The following KCNH1 variants were observed in gnomAD, a reference collection of about 807,000 sequenced individuals.
KCNH1 encodes potassium voltage-gated channel subfamily H member 1.
A neutral mutation model predicts 69.2 loss-of-function variants in KCNH1; 27 were observed. That is an observed-to-expected ratio of 0.39 (90% CI 0.29 to 0.54). The LOEUF is 0.54. Among genes scored for constraint, KCNH1 ranks in the 20% least tolerant of loss-of-function variants. The pLI, the probability that KCNH1 is intolerant of heterozygous loss-of-function variation, is 0.68. For synonymous variants in KCNH1, 456 were observed against 487.7 expected (o/e 0.93, Z 0.86); for missense variants, 798 against 1,261.6 (o/e 0.63, Z 5.57).
intron 5 of KCNH1, among the ~76,000 whole-genome samples, chr1:211,069,426 G>A (rs1391868729): frequency 6.6e-6 from 1 of 152,040 alleles, no homozygotes; most frequent in Non-Finnish European, 1.5e-5. Flanking sequence ...CCAGACCCAG[G>A]TATGGCAGGG....
In KCNH1 at chr1:210,985,755, T is replaced by G. The variant is rs151180403; in HGVS notation, c.1032+33028A>C. 5.2e-4 allele frequency among the ~76,000 whole-genome samples: 79 copies of G among 152,316 alleles called. No homozygotes were observed. In the East Asian group the frequency reaches 0.014, roughly 28 times the overall value. Reference sequence around the variant, plus strand: ...GGTGTGGTGCTGAAAAGAATGTATATTCTGTTGAGTCGGGGTGGAGAGTTC... The same window carrying G: ...GGTGTGGTGCTGAAAAGAATGTATAGTCTGTTGAGTCGGGGTGGAGAGTTC... On this transcript the variant is annotated intron_variant, in intron 6 of 10. Transcript: ENST00000271751.
At chr1:210,697,670 C>T (rs762329023) in intron 10 of KCNH1, among the ~76,000 whole-genome samples, 1 of 152,216 alleles carries the variant, frequency 6.6e-6, no homozygotes, top group Non-Finnish European at 1.5e-5. Context: ...ATTGCCATGG[C>T]GGGTGGGGGA....
chr1:210,726,189 C>T (rs1251607188), intron 10 of KCNH1, among the ~76,000 whole-genome samples: 1 of 152,090 alleles, frequency 6.6e-6, no homozygotes, highest in Non-Finnish European at 1.5e-5. Flanking sequence ...GGTAAATGAA[C>T]AGGATCCTGG....
intron 7 of KCNH1, among the ~76,000 whole-genome samples, chr1:210,863,810 G>T (rs1049484601): frequency 3.9e-5 from 6 of 152,128 alleles, no homozygotes; most frequent in Non-Finnish European, 7.3e-5. Flanking sequence ...TGCTAAACTT[G>T]TTCACCCTCT....
chr1:210,985,711 T>A (rs1374337491), intron 6 of KCNH1, among the ~76,000 whole-genome samples: 1 of 152,156 alleles, frequency 6.6e-6, no homozygotes, highest in Non-Finnish European at 1.5e-5. Flanking sequence ...AACTATGTGG[T>A]CAATTTTGGA....
At chr1:210,963,594 T>A (rs962794982) in intron 6 of KCNH1, among the ~76,000 whole-genome samples, 2 of 151,828 alleles carry the variant, frequency 1.3e-5, no homozygotes, top group African/African-American at 4.8e-5. Context: ...TAGAAGAACA[T>A]AAATGACCTG....
intron 7 of KCNH1, among the ~76,000 whole-genome samples, chr1:210,855,523 G>A (rs1384205735): frequency 1.3e-5 from 2 of 152,208 alleles, no homozygotes; most frequent in African/African-American, 4.8e-5. Context: ...ATGTGGCCTT[G>A]ACCATATTCT....
chr1:210,910,635 C>T (rs2102548728), intron 7 of KCNH1, among the ~76,000 whole-genome samples: 1 of 152,342 alleles, frequency 6.6e-6, no homozygotes, highest in East Asian at 1.9e-4. Context: ...TTGCATTCTG[C>T]CTTCACCATT....
At chr1:211,005,125 G>T (rs367876450) in intron 6 of KCNH1, among the ~76,000 whole-genome samples, 1 of 151,962 alleles carries the variant, frequency 6.6e-6, no homozygotes, top group African/African-American at 2.4e-5. Context: ...GACATTAAAA[G>T]ATAAAGAGAC....
intron 5 of KCNH1, among the ~76,000 whole-genome samples, chr1:211,037,983 G>A (rs1487598888): frequency 1.7e-5 from 2 of 121,188 alleles, no homozygotes; most frequent in African/African-American, 6.7e-5. Flanking sequence ...TTTTTGAGAT[G>A]GAGTCTCACA....
intron 10 of KCNH1, among the ~76,000 whole-genome samples, chr1:210,749,725 G>C (rs570510774): frequency 6.4e-4 from 96 of 150,852 alleles, no homozygotes; most frequent in Non-Finnish European, 1.3e-3. Flanking sequence ...CTGCATGACA[G>C]GAGCCAAGGC....
intron 6 of KCNH1, among the ~76,000 whole-genome samples, chr1:210,964,635 A>T (rs185113152): frequency 1.5e-4 from 23 of 152,332 alleles, no homozygotes; most frequent in African/African-American, 4.6e-4. Context: ...AAAAAAGTCC[A>T]GGATCTGACA....
rs537648403 is a variant in KCNH1 at position 211,034,661 on chromosome 1, T to C, written c.559-15405A>G. On this transcript the variant is annotated intron_variant, in intron 5 of 10. Coordinates refer to ENST00000271751, the MANE Select transcript of KCNH1 (RefSeq NM_172362.3). ...TATCTCAAAATAAAAAATTTAGTTT[T>C]TAAAATCAACTGAATGTAGATGAAT... Among the ~76,000 whole-genome samples, 53 of 152,332 alleles carry C rather than the reference T, an allele frequency of 3.5e-4. 1 individual carries two copies. The highest frequency in any genetic ancestry group is 1.2e-3 in the African/African-American group (51 of 41,574).
intron 7 of KCNH1, among the ~76,000 whole-genome samples, chr1:210,825,514 A>G (rs1685015964): frequency 2.0e-5 from 3 of 152,202 alleles, no homozygotes; most frequent in Admixed American, 2.0e-4. Context: ...CTTTTGTACT[A>G]TCAGTGTAAA....
intron 5 of KCNH1, among the ~76,000 whole-genome samples, chr1:211,045,986 T>G (rs1690089573): frequency 6.6e-6 from 1 of 152,222 alleles, no homozygotes; most frequent in South Asian, 2.1e-4. Context: ...TCCTCCAGTT[T>G]CATCCATATG....
At chr1:210,861,482 T>C (rs893598704) in intron 7 of KCNH1, 1 of 774,980 alleles carries the variant, frequency 1.3e-6, no homozygotes, top group Admixed American at 1.7e-5. Context: ...TGCTAAAATA[T>C]GTAAGGCCCA....
intron 7 of KCNH1, among the ~76,000 whole-genome samples, chr1:210,831,836 G>A (rs1685166301): frequency 6.6e-6 from 1 of 152,154 alleles, no homozygotes; most frequent in South Asian, 2.1e-4. Context: ...CAAGTACTTA[G>A]AGTAATGCTG....
intron 6 of KCNH1, among the ~76,000 whole-genome samples, chr1:210,984,334 G>A (rs1029745228): frequency 3.9e-5 from 6 of 152,090 alleles, no homozygotes; most frequent in Non-Finnish European, 7.4e-5. Context: ...GTGAGAGAGG[G>A]CATCCCTGTC....
chr1:210,751,815 C>A (rs778953740), intron 10 of KCNH1, among the ~76,000 whole-genome samples: 1 of 151,990 alleles, frequency 6.6e-6, no homozygotes, highest in African/African-American at 2.4e-5. Flanking sequence ...ATGAATAAAG[C>A]CCCCAAATCC....
Sources: gnomAD v4.1 joint callset for allele counts (sites outside exome capture counted in the v4.1 genomes callset) on GRCh38, gnomAD v4.1.1 for gene constraint, MANE v1.5 for transcripts, NCBI Gene and HGNC (gene_info 2026-07-23, HGNC 2026-07-21) for gene names.